Variants in LOXL1 observed in about 807,000 individuals in gnomAD.
LOXL1 encodes the protein lysyl oxidase homolog 1.
In LOXL1, 31 loss-of-function variants were observed where a neutral mutation model predicts 62.2. The ratio of observed to expected loss-of-function variants is 0.50; its 90% CI spans 0.37 to 0.67. The LOEUF (loss-of-function observed/expected upper bound fraction) is 0.67. Ranked by LOEUF, LOXL1 falls within the 30% of genes least tolerant of loss-of-function variation. The pLI is 0.00. For missense variants in LOXL1, 775 were observed against 843.4 expected, an observed-to-expected ratio of 0.92 and a Z score of 1.00; for synonymous variants, 403 against 384.4, an observed-to-expected ratio of 1.05 and a Z score of -0.56.
At chr15:73,951,039 A>G (rs1007532809) in intron 6 of LOXL1, among the ~76,000 whole-genome samples, 36 of 152,218 alleles carry the variant, frequency 2.4e-4, no homozygotes, top group African/African-American at 8.2e-4. Flanking sequence ...TGTCTTAGCC[A>G]TTCAAGACCC....
intron 6 of LOXL1, among the ~76,000 whole-genome samples, 187 bp downstream of exon 6, chr15:73,949,761 C>T (rs1444206297): frequency 2.0e-5 from 3 of 152,142 alleles, no homozygotes; most frequent in Non-Finnish European, 4.4e-5. Context: ...CGGTGGGGCT[C>T]AGGCCGTAGG....
At chr15:73,937,505 G>A (rs1005891798) in intron 1 of LOXL1, among the ~76,000 whole-genome samples, 4 of 152,222 alleles carry the variant, frequency 2.6e-5, no homozygotes, top group African/African-American at 7.2e-5. Flanking sequence ...AAGGGTCTTC[G>A]CTGCCCCGTG....
In LOXL1 at chr15:73,942,822, C is replaced by T. The variant is rs376512351; in HGVS notation, c.1103-32C>T. 2.2e-6 allele frequency: 3 copies of T among 1,349,012 alleles called. No individual in the cohort carries two copies. In the African/African-American group the frequency reaches 4.3e-5, roughly 19 times the overall value. 83.6% of individuals were successfully genotyped at this position (1,349,012 alleles called of 1,614,324 possible). ...TGCTCTCAATGTCATGCTCTTCCTC[C>T]CTCCCCCCTTCTCTCCCACTGCCCA... On this transcript the variant is annotated intron_variant, in intron 1 of 6. Coordinates refer to ENST00000261921, the MANE Select transcript of LOXL1 (RefSeq NM_005576.4).
chr15:73,935,590 G>C (rs1251332812), intron 1 of LOXL1, among the ~76,000 whole-genome samples: 1 of 152,216 alleles, frequency 6.6e-6, no homozygotes, highest in Non-Finnish European at 1.5e-5. Context: ...GCAAGGGCGG[G>C]GAGGGCTCAG....
At position 73,930,031 on chromosome 15, in the gene LOXL1, A is replaced by G. The variant is rs137875126; in HGVS notation, c.1102+2146A>G. On this transcript the variant is annotated intron_variant, in intron 1 of 6. Coordinates refer to ENST00000261921, the MANE Select transcript of LOXL1 (RefSeq NM_005576.4). This position sits in a 1 kb window ranked among gnomAD's most constrained non-coding sequence, Gnocchi z 4.7. ...CTTGGTGCTTAGCAGACCTCTGGCC[A>G]CTACCCTGAGCCCCACAGTTCATTT... Among the ~76,000 whole-genome samples, 41 of 152,322 alleles carry G rather than the reference A, an allele frequency of 2.7e-4. No homozygotes were observed. In the East Asian group the frequency reaches 7.9e-3, roughly 29 times the overall value.
intron 5 of LOXL1, among the ~76,000 whole-genome samples, chr15:73,948,446 G>A (rs888184431): frequency 3.3e-5 from 5 of 152,168 alleles, no homozygotes; most frequent in Non-Finnish European, 5.9e-5. Context: ...TGGTACATCC[G>A]TGTAGGCCAG....
chr15:73,933,083 G>A (rs989298972), intron 1 of LOXL1, among the ~76,000 whole-genome samples: 1 of 152,234 alleles, frequency 6.6e-6, no homozygotes, highest in Non-Finnish European at 1.5e-5. Context: ...TGCAAGAAGA[G>A]ACAGCTCCTG....
Position 73,927,149 on chromosome 15 carries a change from C to A in LOXL1, c.366C>A (p.Gly122=). Residue 122 remains glycine (G), a synonymous_variant, in exon 1 of 7, where the codon GGC becomes GGA. Coordinates refer to ENST00000261921, the MANE Select transcript of LOXL1 (RefSeq NM_005576.4). ...RGQARHPFGF[G]QVPDNWREVA... ...AGGCGCGGCACCCATTCGGCTTTGG[C>A]CAGGTGCCCGACAACTGGCGCGAGG... 1.3e-6 allele frequency: 2 copies of A among 1,504,528 alleles called. No individual in the cohort carries two copies. Among genetic ancestry groups the A allele is most frequent in the Non-Finnish European group, 1.8e-6 (2 of 1,125,756 alleles). 93.2% of individuals were successfully genotyped at this position (1,504,528 alleles called of 1,614,324 possible).
At chr15:73,931,763 G>A (rs1353604991) in intron 1 of LOXL1, among the ~76,000 whole-genome samples, 1 of 152,170 alleles carries the variant, frequency 6.6e-6, no homozygotes, top group Non-Finnish European at 1.5e-5. Flanking sequence ...CAGGCTGCCT[G>A]CCCACCTCTG....
At position 73,926,730 on chromosome 15, in the gene LOXL1, G is replaced by A. The variant is rs2068579895; in HGVS notation, c.-54G>A. On this transcript the variant is annotated 5_prime_UTR_variant, in exon 1 of 7. Coordinates refer to ENST00000261921, the MANE Select transcript of LOXL1 (RefSeq NM_005576.4). ...GGCCGTGGGAAGAGAAGCACGCCCA[G>A]GGGGCCACTCCTGAGAGCCTCTCTG... 5.9e-6 allele frequency: 8 copies of A among 1,349,388 alleles called. No homozygotes were observed. The highest frequency in any genetic ancestry group is 3.6e-5 in the South Asian group (2 of 54,964). The allele number at this position is 1,349,388 out of a possible 1,614,324, so 83.6% of individuals were successfully genotyped here. A position where few individuals can be genotyped will look rare whatever the true frequency, so the allele number is the denominator to read the frequency against.
chr15:73,950,725 G>T (rs192273003), intron 6 of LOXL1, among the ~76,000 whole-genome samples: 1 of 152,356 alleles, frequency 6.6e-6, no homozygotes, highest in African/African-American at 2.4e-5. Context: ...TCAGGGCTTA[G>T]TGTGTGGCCA....
intron 6 of LOXL1, among the ~76,000 whole-genome samples, 162 bp from the exon 7 acceptor site, chr15:73,951,669 T>C (rs1302285106): frequency 3.3e-5 from 5 of 152,162 alleles, no homozygotes; most frequent in Non-Finnish European, 7.4e-5. Flanking sequence ...CCCCTCCTTT[T>C]GGAGCTGGGC....
In LOXL1 at chr15:73,927,854, C is replaced by A. The variant is rs1314618191; in HGVS notation, c.1071C>A (p.Gly357=). The change falls in exon 1 of 7, where the codon GGC becomes GGA. Residue 357 remains glycine, a synonymous_variant. Transcript: ENST00000261921. ...CGCAGCAGGGCCGCCTCAGCGTGGG[C>A]AGCGTGTACCGGCCCAACCAGAACG... ...NGAQQGRLSV[G]SVYRPNQNGR... 2.2e-6 allele frequency: 3 copies of A among 1,335,600 alleles called. No homozygotes were observed. Among genetic ancestry groups the A allele is most frequent in the East Asian group, 6.2e-5 (2 of 32,358 alleles). The allele number at this position is 1,335,600 out of a possible 1,614,324, so 82.7% of individuals were successfully genotyped here. A position where few individuals can be genotyped will look rare whatever the true frequency, so the allele number is the denominator to read the frequency against.
Position 73,946,429 on chromosome 15 carries a change from C to T in LOXL1, c.1224C>T (p.Ala408=), listed in dbSNP as rs148557209. Residue 408 remains alanine (A), a synonymous_variant, in exon 3 of 7, where the codon GCC becomes GCT. Transcript: ENST00000261921. ...GCCGTCCCTGCAGCACAGCCTATGCCCCTGAGGCCACCGACTACGATGTGC... is the reference window on the plus strand; with the variant it reads ...GCCGTCCCTGCAGCACAGCCTATGCTCCTGAGGCCACCGACTACGATGTGC... The part of the protein sequence containing the change: ...EEKCLASTAY[A]PEATDYDVRV... 35 of 1,613,034 alleles carry T rather than the reference C, an allele frequency of 2.2e-5. No homozygotes were observed. In the African/African-American group the frequency reaches 4.7e-4, roughly 22 times the overall value.
chr15:73,928,007 G>T, intron 1 of LOXL1, 122 bp downstream of exon 1: 2 of 939,448 alleles, frequency 2.1e-6, no homozygotes, highest in Non-Finnish European at 2.8e-6. Flanking sequence ...TAAGCACGGA[G>T]CAGCGCCCCC....
chr15:73,930,517 A>G lies in LOXL1; in HGVS notation c.1102+2632A>G, dbSNP rs143063866. 9.2e-5 allele frequency among the ~76,000 whole-genome samples: 14 copies of G among 152,282 alleles called. No homozygotes were observed. Among genetic ancestry groups the G allele is most frequent in the Non-Finnish European group, 2.1e-4 (14 of 68,016 alleles). ...CAGGGAAGGCCAAGCCTTGTGCTTGAGATCAGACCCCCAGGCCTGGTGTGG... is the reference window on the plus strand; with the variant it reads ...CAGGGAAGGCCAAGCCTTGTGCTTGGGATCAGACCCCCAGGCCTGGTGTGG... On this transcript the variant is annotated intron_variant, in intron 1 of 6. Transcript: ENST00000261921. This position sits in a 1 kb window ranked among gnomAD's most constrained non-coding sequence, Gnocchi z 4.7.
chr15:73,926,660 G>C lies in LOXL1; in HGVS notation c.-124G>C. ...TCCCGCTCGGGACAAGGCCAGCATG[G>C]ACAAAGCTAGAGCTGGGGCAAGCAA... On this transcript the variant is annotated 5_prime_UTR_variant, in exon 1 of 7. Coordinates refer to ENST00000261921, the MANE Select transcript of LOXL1 (RefSeq NM_005576.4). The C allele has an allele frequency of 8.6e-7, 1 of 1,162,618 alleles. No homozygotes were observed. The highest frequency in any genetic ancestry group is 1.1e-6 in the Non-Finnish European group (1 of 886,804). The allele number at this position is 1,162,618 out of a possible 1,614,324, so 72.0% of individuals were successfully genotyped here.
At chr15:73,933,051 T>G (rs2068646354) in intron 1 of LOXL1, among the ~76,000 whole-genome samples, 2 of 152,148 alleles carry the variant, frequency 1.3e-5, no homozygotes, top group African/African-American at 4.8e-5. Context: ...CTCTCTCCCC[T>G]GCTCTCAAAC....
Position 73,927,416 on chromosome 15 carries a change from C to T in LOXL1, c.633C>T (p.Gly211=), listed in dbSNP as rs1220897540. 4 of 1,527,974 alleles carry T rather than the reference C, an allele frequency of 2.6e-6. No homozygotes were observed. The highest frequency in any genetic ancestry group is 3.5e-6 in the Non-Finnish European group (4 of 1,140,190). The allele number at this position is 1,527,974 out of a possible 1,614,324, so 94.7% of individuals were successfully genotyped here. The part of the protein sequence containing the change: ...GFVYYRPAGG[G]VGAGAAAVAS... ...TGTACTACCGGCCCGCGGGCGGCGG[C>T]GTGGGCGCGGGGGCGGCGGCCGTGG... is the stretch of plus-strand genomic sequence containing the variant. Residue 211 remains glycine (G), a synonymous_variant, in exon 1 of 7, where the codon GGC becomes GGT. Transcript: ENST00000261921.
Sources: gnomAD v4.1 joint callset for allele counts (sites outside exome capture counted in the v4.1 genomes callset) on GRCh38, gnomAD v4.1.1 for gene constraint, Gnocchi (gnomAD v3.1) non-coding constraint, MANE v1.5 for transcripts, NCBI Gene and HGNC (gene_info 2026-07-23, HGNC 2026-07-21) for gene names.